SLC9A9: variants seen among roughly 807,000 people sequenced by gnomAD.
SLC9A9 encodes sodium/hydrogen exchanger 9.
Under a neutral mutation model 77.8 loss-of-function variants are expected in SLC9A9, and 62 were observed. The ratio of observed to expected loss-of-function variants is 0.80; its 90% CI spans 0.65 to 0.98. SLC9A9 has a LOEUF of 0.98. Ranked by LOEUF, SLC9A9 falls within the 50% of genes least tolerant of loss-of-function variation. The probability of loss-of-function intolerance (pLI) is 0.00; values close to 1 mark genes in which losing one functional copy is unlikely to be tolerated. For synonymous variants in SLC9A9, 320 were observed against 283.5 expected (o/e 1.13, Z -1.29); for missense variants, 775 against 774.9 (o/e 1.00, Z 0.00).
chr3:143,420,574 G>A (rs12638374), intron 12 of SLC9A9, among the ~76,000 whole-genome samples: 5,866 of 152,130 alleles, frequency 0.039, 135 homozygotes, highest in African/African-American at 0.056. Flanking sequence ...CTTGTGTTAG[G>A]TTGTTAACCT....
intron 6 of SLC9A9, among the ~76,000 whole-genome samples, chr3:143,602,554 G>A (rs923336085): frequency 2.6e-5 from 4 of 152,078 alleles, no homozygotes; most frequent in African/African-American, 7.2e-5. Flanking sequence ...AATAGTTATT[G>A]TACTTTAATA....
At position 143,358,238 on chromosome 3, in the gene SLC9A9, T is replaced by A. The variant is rs79610077; in HGVS notation, c.1604+5246A>T. 3.9e-3 allele frequency among the ~76,000 whole-genome samples: 596 copies of A among 152,266 alleles called. 4 individuals carry two copies. Among genetic ancestry groups the A allele is most frequent in the African/African-American group, 0.014 (565 of 41,542 alleles). On this transcript the variant is annotated intron_variant, in intron 14 of 15. Transcript: ENST00000316549. ...ATGGGAAATGCAAGCATTTTCAGCATCCACACATCCTGCTGTGGGCTTTTC... is the reference window on the plus strand; with the variant it reads ...ATGGGAAATGCAAGCATTTTCAGCAACCACACATCCTGCTGTGGGCTTTTC...
chr3:143,312,219 C>T (rs752529045), intron 14 of SLC9A9, among the ~76,000 whole-genome samples: 2 of 152,168 alleles, frequency 1.3e-5, no homozygotes, highest in African/African-American at 2.4e-5. Flanking sequence ...AAATGTATTG[C>T]CACAAGGCTC....
At chr3:143,837,572 G>T (rs752881586) in intron 1 of SLC9A9, among the ~76,000 whole-genome samples, 4 of 152,096 alleles carry the variant, frequency 2.6e-5, no homozygotes, top group African/African-American at 4.8e-5. Flanking sequence ...AGTGTATCAG[G>T]TCCTATTGAT....
At chr3:143,331,912 C>G (rs2031783424) in intron 14 of SLC9A9, among the ~76,000 whole-genome samples, 1 of 152,052 alleles carries the variant, frequency 6.6e-6, no homozygotes. Flanking sequence ...GGAATCCTCA[C>G]AGAAAATGTG....
chr3:143,396,942 T>G (rs1000024376), intron 12 of SLC9A9, among the ~76,000 whole-genome samples: 2 of 152,196 alleles, frequency 1.3e-5, no homozygotes, highest in Non-Finnish European at 2.9e-5. Flanking sequence ...TGTATAAGTA[T>G]GCTGAAAACA....
intron 4 of SLC9A9, among the ~76,000 whole-genome samples, chr3:143,698,894 G>A (rs367663297): frequency 6.6e-6 from 1 of 152,176 alleles, no homozygotes; most frequent in Non-Finnish European, 1.5e-5. Flanking sequence ...TGTACAGCTT[G>A]CTCTGCAGTG....
intron 1 of SLC9A9, among the ~76,000 whole-genome samples, chr3:143,840,610 A>G (rs532631630): frequency 1.6e-3 from 237 of 152,284 alleles, no homozygotes; most frequent in African/African-American, 5.5e-3. Context: ...ATGTATTTTC[A>G]TAGTTTTGCC....
At chr3:143,644,748 G>A (rs2038676345) in intron 6 of SLC9A9, among the ~76,000 whole-genome samples, 1 of 151,648 alleles carries the variant, frequency 6.6e-6, no homozygotes, top group Admixed American at 6.6e-5. Context: ...GAGTCCTTAA[G>A]CAAAAACAGC....
chr3:143,844,709 TTCTCTTTCTTTCTTTCTTTC>T (rs1246192069), intron 1 of SLC9A9, among the ~76,000 whole-genome samples: 2 of 148,950 alleles, frequency 1.3e-5, no homozygotes, highest in African/African-American at 2.5e-5. Context: ...TTAACTTTCT[TTCTCTTTCTTTCTTTCTTTC>T]TTTCTTTCTT....
intron 13 of SLC9A9, among the ~76,000 whole-genome samples, chr3:143,371,379 T>C (rs1174775304): frequency 6.6e-6 from 1 of 152,144 alleles, no homozygotes; most frequent in African/African-American, 2.4e-5. Flanking sequence ...AAGGCAAGCA[T>C]AGAACTAAGG....
chr3:143,316,961 C>T (rs1339005706), intron 14 of SLC9A9, among the ~76,000 whole-genome samples: 2 of 152,052 alleles, frequency 1.3e-5, no homozygotes, highest in African/African-American at 4.8e-5. Context: ...GTGCAGGAGT[C>T]AATCTCAATT....
At chr3:143,503,504 T>G (rs1234113627) in intron 9 of SLC9A9, 1 of 382,018 alleles carries the variant, frequency 2.6e-6, no homozygotes, top group Non-Finnish European at 5.1e-6. Context: ...ACCTTCATGA[T>G]GTCATCATAT....
At chr3:143,706,567 T>C (rs1407776737) in intron 4 of SLC9A9, among the ~76,000 whole-genome samples, 1 of 152,192 alleles carries the variant, frequency 6.6e-6, no homozygotes, top group Non-Finnish European at 1.5e-5. Context: ...GAAGCCCCAT[T>C]CAGCTCTGCT....
At chr3:143,327,849 G>C (rs949720066) in intron 14 of SLC9A9, among the ~76,000 whole-genome samples, 2 of 152,214 alleles carry the variant, frequency 1.3e-5, no homozygotes, top group Admixed American at 1.3e-4. Flanking sequence ...TCATTTTTAT[G>C]AAGAGCAGTG....
At chr3:143,356,275 G>C (rs1371933307) in intron 14 of SLC9A9, among the ~76,000 whole-genome samples, 2 of 152,146 alleles carry the variant, frequency 1.3e-5, no homozygotes, top group Non-Finnish European at 2.9e-5. Context: ...GGTTCTGAGA[G>C]GCCAGTGAAT....
chr3:143,271,753 A>G (rs1937906617), intron 14 of SLC9A9, among the ~76,000 whole-genome samples: 1 of 152,102 alleles, frequency 6.6e-6, no homozygotes, highest in Non-Finnish European at 1.5e-5. Context: ...CTCTCCTGGG[A>G]ATTACGTGGC....
intron 11 of SLC9A9, among the ~76,000 whole-genome samples, chr3:143,477,688 G>T (rs1009511943): frequency 7.9e-5 from 12 of 152,128 alleles, no homozygotes; most frequent in Admixed American, 7.2e-4. Flanking sequence ...GGGAGTCTGT[G>T]TGTCACAGAA....
chr3:143,644,478 C>G (rs1028423418), intron 6 of SLC9A9, among the ~76,000 whole-genome samples: 9 of 152,134 alleles, frequency 5.9e-5, no homozygotes, highest in African/African-American at 2.2e-4. Context: ...GTAATCTGAA[C>G]AGGGACATTA....
Sources: allele counts gnomAD v4.1 joint callset (sites outside exome capture counted in the v4.1 genomes callset), GRCh38; gene constraint gnomAD v4.1.1; transcripts MANE v1.5; gene names NCBI Gene and HGNC (gene_info 2026-07-23, HGNC 2026-07-21).